Variants in ADAM9 observed in about 807,000 individuals in gnomAD.
ADAM9 encodes the protein disintegrin and metalloproteinase domain-containing protein 9.
In ADAM9, 54 loss-of-function variants were observed where a neutral mutation model predicts 108.1. The observed-to-expected ratio is 0.50, with a 90% CI of 0.40 to 0.63. The LOEUF is 0.63. Ranked by LOEUF, ADAM9 falls within the 20% of genes least tolerant of loss-of-function variation. The probability of loss-of-function intolerance (pLI) is 0.00; values close to 1 mark genes in which losing one functional copy is unlikely to be tolerated. For missense variants in ADAM9, 830 were observed against 997.7 expected, an observed-to-expected ratio of 0.83 and a Z score of 2.26; for synonymous variants, 316 against 336.0, an observed-to-expected ratio of 0.94 and a Z score of 0.65.
chr8:39,102,680 G>A (rs1839737174), intron 21 of ADAM9, among the ~76,000 whole-genome samples: 1 of 152,106 alleles, frequency 6.6e-6, no homozygotes, highest in Admixed American at 6.5e-5. Context: ...AGACTGAGAT[G>A]GTATCCAGTT....
chr8:39,051,236 T>TAAA (rs1274152786), intron 12 of ADAM9, among the ~76,000 whole-genome samples: 5 of 152,298 alleles, frequency 3.3e-5, no homozygotes, highest in Non-Finnish European at 7.4e-5. Context: ...GCCCAACTCT[T>TAAA]TCTCTCCTCA....
intron 12 of ADAM9, among the ~76,000 whole-genome samples, chr8:39,044,345 TC>T (rs1447692420): frequency 1.3e-5 from 2 of 152,196 alleles, no homozygotes; most frequent in African/African-American, 2.4e-5. Flanking sequence ...GACTACCTTT[TC>T]ACCATTCTTT....
chr8:39,001,851 G>A lies in ADAM9; in HGVS notation c.97+4691G>A, dbSNP rs562448348. The stretch of plus-strand genomic sequence containing the variant: ...CACCTGGCTAAATTTTGTATTTTTA[G>A]TAGAGACAGGGTTTCACCATGTTGG... On this transcript the variant is annotated intron_variant, in intron 1 of 21. Coordinates refer to ENST00000487273, the MANE Select transcript of ADAM9 (RefSeq NM_003816.3). Among the ~76,000 whole-genome samples the A allele has an allele frequency of 5.2e-3, 784 of 151,960 alleles. 1 individual carries two copies. Among genetic ancestry groups the A allele is most frequent in the Non-Finnish European group, 8.0e-3 (545 of 67,942 alleles).
intron 11 of ADAM9, among the ~76,000 whole-genome samples, chr8:39,034,811 T>C (rs1028544339): frequency 1.3e-5 from 2 of 151,306 alleles, no homozygotes; most frequent in Non-Finnish European, 3.0e-5. Flanking sequence ...TCTTTAAACT[T>C]TTTTTTTTGA....
chr8:39,034,845 G>C (rs186279102), intron 11 of ADAM9, among the ~76,000 whole-genome samples: 8 of 151,308 alleles, frequency 5.3e-5, no homozygotes, highest in Admixed American at 4.6e-4. Context: ...TGTTCCTGTT[G>C]TAGAAAGAAA....
At chr8:39,072,132 A>G (rs1838714685) in intron 15 of ADAM9, among the ~76,000 whole-genome samples, 1 of 152,260 alleles carries the variant, frequency 6.6e-6, no homozygotes, top group Non-Finnish European at 1.5e-5. Flanking sequence ...TATTTCTACA[A>G]TTAACATTTG....
At chr8:39,008,755 A>G (rs1836249299) in intron 2 of ADAM9, among the ~76,000 whole-genome samples, 1 of 152,188 alleles carries the variant, frequency 6.6e-6, no homozygotes, top group African/African-American at 2.4e-5. Flanking sequence ...AATATTTACT[A>G]AAATACAAGT....
rs934242304 is a variant in ADAM9 at position 39,104,181 on chromosome 8, T to A, written c.*481T>A. ...TCTAATATTTTTCATCATGCACGAA[T>A]TAATAATCATCATACTCTAGAATCT... On this transcript the variant is annotated 3_prime_UTR_variant, in exon 22 of 22. Coordinates refer to ENST00000487273, the MANE Select transcript of ADAM9 (RefSeq NM_003816.3). 8.8e-6 allele frequency: 4 copies of A among 454,038 alleles called. No homozygotes were observed. Among genetic ancestry groups the A allele is most frequent in the African/African-American group, 4.0e-5 (2 of 50,012 alleles). The allele number at this position is 454,038 out of a possible 1,614,324, so 28.1% of individuals were successfully genotyped here. A position where few individuals can be genotyped will look rare whatever the true frequency, so the allele number is the denominator to read the frequency against.
chr8:39,020,980 C>G (rs932612011), intron 7 of ADAM9, among the ~76,000 whole-genome samples: 5 of 151,902 alleles, frequency 3.3e-5, no homozygotes, highest in Non-Finnish European at 1.5e-5. Context: ...ATTCTTTTAT[C>G]TATGCATTTT....
rs1365981419 is a variant in ADAM9, at chr8:39,013,227, G to A, written c.255-738G>A. 2.6e-5 allele frequency among the ~76,000 whole-genome samples: 4 copies of A among 152,060 alleles called. No individual in the cohort carries two copies. In the East Asian group the frequency reaches 7.7e-4, roughly 29 times the overall value. On this transcript the variant is annotated intron_variant, in intron 3 of 21. Transcript: ENST00000487273. ...AGACAGAAATTTGCCTCCATACTTA[G>A]GAGGTTAATTCTTATTTATATAGAA...
intron 12 of ADAM9, among the ~76,000 whole-genome samples, chr8:39,049,164 T>C (rs1837872046): frequency 6.6e-6 from 1 of 152,090 alleles, no homozygotes; most frequent in Non-Finnish European, 1.5e-5. Context: ...CTTGCTGTTT[T>C]CCTTTGTAAT....
chr8:39,065,318 CTT>C (rs998960263), intron 14 of ADAM9, among the ~76,000 whole-genome samples: 1 of 151,306 alleles, frequency 6.6e-6, no homozygotes, highest in African/African-American at 2.4e-5. Context: ...TTCAGAAACT[CTT>C]TTATATTCTC....
intron 2 of ADAM9, among the ~76,000 whole-genome samples, chr8:39,010,496 A>C (rs1330612019): frequency 6.6e-6 from 1 of 152,168 alleles, no homozygotes; most frequent in African/African-American, 2.4e-5. Context: ...ACAAAAGGTT[A>C]ACTGAGTCTG....
At chr8:39,098,160 G>A (rs186857529) in intron 20 of ADAM9, among the ~76,000 whole-genome samples, 1 of 150,332 alleles carries the variant, frequency 6.7e-6, no homozygotes, top group Non-Finnish European at 1.5e-5. Context: ...AACATCCTTT[G>A]TTGCAATTTA....
intron 1 of ADAM9, 114 bp downstream of exon 1, chr8:38,997,274 G>A (rs1040989490): frequency 1.6e-6 from 2 of 1,272,502 alleles, no homozygotes; most frequent in Non-Finnish European, 2.2e-6. Context: ...TCGGACCCGG[G>A]GTCGGGGGGC....
At position 39,079,313 on chromosome 8, in the gene ADAM9, C is replaced by T. The variant is rs1007876247; in HGVS notation, c.1881+1902C>T. Among the ~76,000 whole-genome samples, 3 of 146,592 alleles carry T rather than the reference C, an allele frequency of 2.0e-5. No individual in the cohort carries two copies. The East Asian group carries it at 6.5e-4, about 32-fold the overall frequency. On this transcript the variant is annotated intron_variant, in intron 16 of 21. Transcript: ENST00000487273. ...GTAGAGACAGGATCTTGCTATGTTG[C>T]CTAGGCTGGTCTTCAGCTCCTGGGC...
chr8:39,049,597 C>G (rs1377118329), intron 12 of ADAM9, among the ~76,000 whole-genome samples: 1 of 151,956 alleles, frequency 6.6e-6, no homozygotes, highest in Non-Finnish European at 1.5e-5. Flanking sequence ...TGCCACCACG[C>G]TTGGCTAATT....
chr8:39,071,716 C>T lies in ADAM9; in HGVS notation c.1697+313C>T, dbSNP rs539888481. Reference sequence around the variant, plus strand: ...TCCTGACTTCGTGATCCGCTCGCCTCAGCCTCCCAAAGTGCTGGGATTAGA... The same window carrying T: ...TCCTGACTTCGTGATCCGCTCGCCTTAGCCTCCCAAAGTGCTGGGATTAGA... On this transcript the variant is annotated intron_variant, in intron 15 of 21. Coordinates refer to ENST00000487273, the MANE Select transcript of ADAM9 (RefSeq NM_003816.3). 4.6e-5 allele frequency among the ~76,000 whole-genome samples: 7 copies of T among 152,308 alleles called. No individual in the cohort carries two copies. The East Asian group carries it at 1.2e-3, about 25-fold the overall frequency.
intron 2 of ADAM9, among the ~76,000 whole-genome samples, 159 bp from the exon 3 acceptor site, chr8:39,011,496 TTTA>T (rs1158715409): frequency 2.0e-5 from 3 of 152,222 alleles, no homozygotes; most frequent in Non-Finnish European, 4.4e-5. Context: ...GAGTATATTT[TTTA>T]TTATTTAAGA....
Sources: gnomAD v4.1 joint callset for allele counts (sites outside exome capture counted in the v4.1 genomes callset) on GRCh38, gnomAD v4.1.1 for gene constraint, MANE v1.5 for transcripts, NCBI Gene and HGNC (gene_info 2026-07-23, HGNC 2026-07-21) for gene names.